Variants in NEGR1 observed in about 807,000 individuals in gnomAD.
NEGR1 encodes neuronal growth regulator 1, also known as IgLON family member 4.
NEGR1 carries 10 observed loss-of-function variants against 40.9 expected under a neutral mutation model. The observed-to-expected ratio is 0.24, with a 90% CI of 0.15 to 0.42. The LOEUF (loss-of-function observed/expected upper bound fraction) is 0.42. Among genes scored for constraint, NEGR1 ranks in the 10% least tolerant of loss-of-function variants. The pLI is 1.00. For synonymous variants in NEGR1, 185 were observed against 166.8 expected (o/e 1.11, Z -0.84); for missense variants, 352 against 438.9 (o/e 0.80, Z 1.77).
At chr1:71,719,886 T>A (rs1413683190) in intron 3 of NEGR1, among the ~76,000 whole-genome samples, 1 of 152,084 alleles carries the variant, frequency 6.6e-6, no homozygotes, top group African/African-American at 2.4e-5. Flanking sequence ...TTACTGTACT[T>A]AAGATTCAAA....
At chr1:72,266,833 A>C (rs1296346135) in intron 1 of NEGR1, among the ~76,000 whole-genome samples, 1 of 150,724 alleles carries the variant, frequency 6.6e-6, no homozygotes, top group Non-Finnish European at 1.5e-5. Context: ...GAAAATTATT[A>C]AAACCCTTTT....
At chr1:72,036,743 A>G (rs1172771411) in intron 1 of NEGR1, among the ~76,000 whole-genome samples, 1 of 152,014 alleles carries the variant, frequency 6.6e-6, no homozygotes, top group Admixed American at 6.6e-5. Flanking sequence ...ATATATTAAG[A>G]AGTTTTTACT....
chr1:71,497,564 G>T (rs1646972806), intron 6 of NEGR1, among the ~76,000 whole-genome samples: 1 of 151,814 alleles, frequency 6.6e-6, no homozygotes, highest in Admixed American at 6.6e-5. Context: ...GATAGAATTG[G>T]TATGTTGTTT....
At chr1:71,609,644 A>G (rs1338817209) in intron 5 of NEGR1, among the ~76,000 whole-genome samples, 1 of 149,494 alleles carries the variant, frequency 6.7e-6, no homozygotes, top group Non-Finnish European at 1.5e-5. Flanking sequence ...TTTTGATTCC[A>G]GTTCCAGAAA....
chr1:72,068,625 C>A (rs1647338905), intron 1 of NEGR1, among the ~76,000 whole-genome samples: 1 of 152,084 alleles, frequency 6.6e-6, no homozygotes, highest in African/African-American at 2.4e-5. Context: ...TGTGCTTCTA[C>A]CTCAGTGTTT....
chr1:71,970,493 C>A (rs1646246753), intron 1 of NEGR1, among the ~76,000 whole-genome samples: 1 of 152,024 alleles, frequency 6.6e-6, no homozygotes, highest in Non-Finnish European at 1.5e-5. Flanking sequence ...GAATTCAAGA[C>A]CAGATTGGCC....
At chr1:71,410,250 G>A (rs1171002786) in intron 6 of NEGR1, among the ~76,000 whole-genome samples, 3 of 152,034 alleles carry the variant, frequency 2.0e-5, no homozygotes, top group African/African-American at 4.8e-5. Context: ...GCAGTAGACT[G>A]TGGAGTAATC....
chr1:71,943,249 CAT>C (rs1645988247), intron 1 of NEGR1, among the ~76,000 whole-genome samples: 1 of 145,292 alleles, frequency 6.9e-6, no homozygotes, highest in African/African-American at 2.7e-5. Flanking sequence ...CATACACACA[CAT>C]ACATACACAT....
intron 2 of NEGR1, among the ~76,000 whole-genome samples, chr1:71,909,570 A>G (rs1175843727): frequency 6.6e-6 from 1 of 152,184 alleles, no homozygotes; most frequent in African/African-American, 2.4e-5. Flanking sequence ...TAAATTTTAT[A>G]ACCAAAACTG....
intron 6 of NEGR1, among the ~76,000 whole-genome samples, chr1:71,453,079 C>T (rs1042066125): frequency 2.6e-5 from 4 of 152,140 alleles, no homozygotes; most frequent in African/African-American, 9.7e-5. Context: ...TTTTATATAG[C>T]ATCTTTCATG....
chr1:72,035,729 A>G lies in NEGR1; in HGVS notation c.177-100418T>C, dbSNP rs116130186. Among the ~76,000 whole-genome samples, 529 of 152,328 alleles carry G rather than the reference A, an allele frequency of 3.5e-3. 1 individual carries two copies. The highest frequency in any genetic ancestry group is 0.012 in the African/African-American group (491 of 41,582). On this transcript the variant is annotated intron_variant, in intron 1 of 6. Coordinates refer to ENST00000357731, the MANE Select transcript of NEGR1 (RefSeq NM_173808.3). ...TCCCTATCATGAATTGATGATGTCT[A>G]TGCAGCAGATCTTGTGCTTGGCAGC...
At chr1:71,508,931 C>A (rs186760047) in intron 6 of NEGR1, among the ~76,000 whole-genome samples, 3 of 152,274 alleles carry the variant, frequency 2.0e-5, no homozygotes, top group Non-Finnish European at 4.4e-5. Flanking sequence ...CAGGGGAAGA[C>A]CCCCTAGGGT....
chr1:71,902,518 A>T (rs1004930462), intron 2 of NEGR1, among the ~76,000 whole-genome samples: 1 of 152,214 alleles, frequency 6.6e-6, no homozygotes, highest in South Asian at 2.1e-4. Flanking sequence ...ACTGTCTTCA[A>T]TGTGATGACC....
chr1:71,560,101 A>C lies in NEGR1; in HGVS notation c.940+32716T>G, dbSNP rs1322503035. Among the ~76,000 whole-genome samples, 6 of 151,302 alleles carry C rather than the reference A, an allele frequency of 4.0e-5. No individual in the cohort carries two copies. In the Admixed American group the frequency reaches 4.0e-4, roughly 10 times the overall value. On this transcript the variant is annotated intron_variant, in intron 6 of 6. Transcript: ENST00000357731. Reference sequence around the variant, plus strand: ...GGTCATGATGATGATGATGATGATGATGATGATGATAACTATATATGAAAG... The same window carrying C: ...GGTCATGATGATGATGATGATGATGCTGATGATGATAACTATATATGAAAG...
chr1:71,716,517 AAAT>A (rs1654282803), intron 3 of NEGR1, among the ~76,000 whole-genome samples: 1 of 152,146 alleles, frequency 6.6e-6, no homozygotes, highest in Non-Finnish European at 1.5e-5. Context: ...TTTATTGAAA[AAAT>A]AAGATTAAAA....
chr1:71,946,979 G>A (rs1362766167), intron 1 of NEGR1, among the ~76,000 whole-genome samples: 1 of 150,702 alleles, frequency 6.6e-6, no homozygotes, highest in Non-Finnish European at 1.5e-5. Flanking sequence ...TACTTAGGAG[G>A]TTGAGATGGA....
intron 1 of NEGR1, among the ~76,000 whole-genome samples, chr1:72,052,507 T>C (rs1647071671): frequency 6.6e-6 from 1 of 151,446 alleles, no homozygotes; most frequent in Non-Finnish European, 1.5e-5. Flanking sequence ...CGTATTATTG[T>C]CAAGATTTGC....
At chr1:71,853,760 TA>T (rs1659681761) in intron 2 of NEGR1, among the ~76,000 whole-genome samples, 1 of 152,174 alleles carries the variant, frequency 6.6e-6, no homozygotes. Context: ...TTTGTTATCA[TA>T]AAGTTTCTGA....
At chr1:71,975,333 C>T (rs1037294903) in intron 1 of NEGR1, among the ~76,000 whole-genome samples, 1 of 152,034 alleles carries the variant, frequency 6.6e-6, no homozygotes, top group African/African-American at 2.4e-5. Context: ...CTTTTACAGT[C>T]TTCTGAAAGT....
Sources: gnomAD v4.1 joint callset for allele counts (sites outside exome capture counted in the v4.1 genomes callset) on GRCh38, gnomAD v4.1.1 for gene constraint, MANE v1.5 for transcripts, NCBI Gene and HGNC (gene_info 2026-07-23, HGNC 2026-07-21) for gene names.